THSD4: variants seen among roughly 807,000 people sequenced by gnomAD.
The protein encoded by THSD4 is thrombospondin type-1 domain-containing protein 4.
THSD4 carries 69 observed loss-of-function variants against 119.0 expected under a neutral mutation model. The ratio of observed to expected loss-of-function variants is 0.58; its 90% CI spans 0.48 to 0.71. The LOEUF is 0.71. THSD4 is among the 30% of genes least tolerant of loss of function. The pLI, the probability that THSD4 is intolerant of heterozygous loss-of-function variation, is 0.00. For synonymous variants in THSD4, 524 were observed against 540.4 expected (o/e 0.97, Z 0.42); for missense variants, 1,393 against 1,391.1 (o/e 1.00, Z -0.02).
intron 7 of THSD4, among the ~76,000 whole-genome samples, chr15:71,469,405 G>A (rs914586988): frequency 6.6e-6 from 1 of 152,132 alleles, no homozygotes; most frequent in African/African-American, 2.4e-5. Flanking sequence ...TGCAGCTGCA[G>A]GTTCACAAGT....
chr15:71,498,252 A>G (rs998994082), intron 7 of THSD4, among the ~76,000 whole-genome samples: 2 of 152,196 alleles, frequency 1.3e-5, no homozygotes, highest in Admixed American at 1.3e-4. Context: ...TAAGAGGGGA[A>G]CAACTCATGC....
At chr15:71,599,202 G>T (rs72740620) in intron 7 of THSD4, among the ~76,000 whole-genome samples, 27,555 of 152,034 alleles carry the variant, frequency 0.18, 3,111 homozygotes, top group East Asian at 0.48. Context: ...ATATTTCTTT[G>T]GAATCCAATC....
chr15:71,472,884 G>A (rs1254781686), intron 7 of THSD4, among the ~76,000 whole-genome samples: 4 of 152,126 alleles, frequency 2.6e-5, no homozygotes, highest in Non-Finnish European at 5.9e-5. Context: ...ACTGGAGGAG[G>A]CAGTGTGAGT....
chr15:71,536,405 C>T (rs1281946947), intron 7 of THSD4, among the ~76,000 whole-genome samples: 1 of 152,192 alleles, frequency 6.6e-6, no homozygotes, highest in Non-Finnish European at 1.5e-5. Flanking sequence ...ATTAATTGTG[C>T]CTACCTTGAT....
In THSD4 at chr15:71,256,766, A is replaced by G. The variant is rs771025605; in HGVS notation, c.1015+51A>G. 9 of 1,533,804 alleles carry G rather than the reference A, an allele frequency of 5.9e-6. No homozygotes were observed. In the South Asian group the frequency reaches 7.9e-5, roughly 13 times the overall value. On this transcript the variant is annotated intron_variant, in intron 6 of 17. Coordinates refer to ENST00000261862, the MANE Select transcript of THSD4 (RefSeq NM_024817.3). ...TAGAAGTTACTTTAGTCTGTTTTCC[A>G]TTCTTGTTGACTTCTGATTGATGTT...
chr15:71,362,472 T>G (rs1235892792), intron 6 of THSD4, among the ~76,000 whole-genome samples: 1 of 152,154 alleles, frequency 6.6e-6, no homozygotes, highest in Non-Finnish European at 1.5e-5. Context: ...GAATAAATAT[T>G]CCATGGATTG....
intron 7 of THSD4, among the ~76,000 whole-genome samples, chr15:71,475,929 T>TA (rs929274609): frequency 1.4e-4 from 21 of 150,528 alleles, no homozygotes; most frequent in African/African-American, 3.4e-4. Context: ...CCCTGTCTAT[T>TA]AAAAAAAAAA....
chr15:71,337,742 C>T (rs2045507057), intron 6 of THSD4, among the ~76,000 whole-genome samples: 2 of 152,122 alleles, frequency 1.3e-5, no homozygotes, highest in South Asian at 4.2e-4. Flanking sequence ...CCTTTGCATA[C>T]CCCAGGTGAA....
intron 8 of THSD4, among the ~76,000 whole-genome samples, chr15:71,717,693 A>G (rs533327721): frequency 8.5e-5 from 13 of 152,278 alleles, no homozygotes; most frequent in African/African-American, 3.1e-4. Flanking sequence ...AGCAGGAGCT[A>G]GCAGCACGGG....
intron 6 of THSD4, among the ~76,000 whole-genome samples, chr15:71,337,334 C>T (rs1185898381): frequency 6.6e-6 from 1 of 152,176 alleles, no homozygotes; most frequent in Non-Finnish European, 1.5e-5. Context: ...GCCCAATGCC[C>T]TTGTGGGAGC....
At chr15:71,749,667 C>CT (rs889875730) in intron 14 of THSD4, among the ~76,000 whole-genome samples, 15 of 133,628 alleles carry the variant, frequency 1.1e-4, no homozygotes, top group South Asian at 2.6e-4. Flanking sequence ...TATTTTCTTT[C>CT]TTTTTTTTAA....
intron 7 of THSD4, among the ~76,000 whole-genome samples, chr15:71,493,585 T>TG (rs1006375804): frequency 6.6e-5 from 10 of 152,314 alleles, no homozygotes; most frequent in Middle Eastern, 3.4e-3. Context: ...TGTTTGAATG[T>TG]GGGGCGTTAG....
Position 71,256,792 on chromosome 15 carries a change from G to A in THSD4, c.1015+77G>A, listed in dbSNP as rs550438225. 5 of 1,373,990 alleles carry A rather than the reference G, an allele frequency of 3.6e-6. No homozygotes were observed. In the East Asian group the frequency reaches 7.1e-5, roughly 20 times the overall value. 85.1% of individuals were successfully genotyped at this position (1,373,990 alleles called of 1,614,324 possible). A position where few individuals can be genotyped will look rare whatever the true frequency, so the allele number is the denominator to read the frequency against. ...TTCTTGTTGACTTCTGATTGATGTT[G>A]GAGGTATTGGTGTGATCCTGGCTGG... On this transcript the variant is annotated intron_variant, in intron 6 of 17. Coordinates refer to ENST00000261862, the MANE Select transcript of THSD4 (RefSeq NM_024817.3).
At chr15:71,691,407 C>T (rs2052046520) in intron 8 of THSD4, among the ~76,000 whole-genome samples, 1 of 152,254 alleles carries the variant, frequency 6.6e-6, no homozygotes, top group African/African-American at 2.4e-5. Flanking sequence ...AAGGCAGGGA[C>T]TTCACCTGGC....
chr15:71,377,701 G>C (rs2046158416), intron 6 of THSD4, among the ~76,000 whole-genome samples: 1 of 152,050 alleles, frequency 6.6e-6, no homozygotes, highest in Admixed American at 6.5e-5. Context: ...AGCTATTCGG[G>C]ACCTAAGCTA....
intron 1 of THSD4, among the ~76,000 whole-genome samples, chr15:71,108,226 C>T (rs2040282173): frequency 6.6e-6 from 1 of 152,138 alleles, no homozygotes; most frequent in South Asian, 2.1e-4. Context: ...CTTCTCAGGC[C>T]TCAAAACTGT....
intron 6 of THSD4, among the ~76,000 whole-genome samples, chr15:71,279,356 C>T (rs184768919): frequency 1.3e-5 from 2 of 152,264 alleles, no homozygotes; most frequent in East Asian, 1.9e-4. Context: ...ATCAATCAGT[C>T]ATGATGCCTG....
chr15:71,322,189 T>G (rs2045278173), intron 6 of THSD4, among the ~76,000 whole-genome samples: 1 of 152,204 alleles, frequency 6.6e-6, no homozygotes, highest in Non-Finnish European at 1.5e-5. Context: ...AATGACCCCT[T>G]GGTCTCCTGA....
chr15:71,466,462 C>T (rs571504424), intron 7 of THSD4, among the ~76,000 whole-genome samples: 3 of 152,162 alleles, frequency 2.0e-5, no homozygotes, highest in East Asian at 1.9e-4. Flanking sequence ...GCTCCAGGCC[C>T]GATCCAGAGA....
Sources: gnomAD v4.1 joint callset for allele counts (sites outside exome capture counted in the v4.1 genomes callset) on GRCh38, gnomAD v4.1.1 for gene constraint, MANE v1.5 for transcripts, NCBI Gene and HGNC (gene_info 2026-07-23, HGNC 2026-07-21) for gene names.